The following INSL6 variants were observed in gnomAD, a reference collection of about 807,000 sequenced individuals.
INSL6 encodes insulin like 6.
INSL6 carries 16 observed loss-of-function variants against 9.4 expected under a neutral mutation model. The ratio of observed to expected loss-of-function variants is 1.70; its 90% CI spans 1.15 to 2.59. The LOEUF (loss-of-function observed/expected upper bound fraction) is 2.59. Among genes scored for constraint, INSL6 ranks in the 30% most tolerant of loss-of-function variants. The probability of loss-of-function intolerance (pLI) is 0.00; values close to 1 mark genes in which losing one functional copy is unlikely to be tolerated. For synonymous variants in INSL6, 154 were observed against 96.9 expected, an observed-to-expected ratio of 1.59 and a Z score of -3.46; for missense variants, 391 against 257.3, an observed-to-expected ratio of 1.52 and a Z score of -3.56.
chr9:5,140,791 T>C (rs1824481685), intron 2 of INSL6, among the ~76,000 whole-genome samples: 1 of 151,804 alleles, frequency 6.6e-6, no homozygotes, highest in African/African-American at 2.4e-5. Context: ...GCCATGGGGG[T>C]TTGCTGTACA....
chr9:5,091,615 T>TAATA, the INSL6 span: 1 of 152,122 alleles, frequency 6.6e-6, no homozygotes, highest in Admixed American at 6.5e-5. Flanking sequence ...ATTAGATAAT[T>TAATA]AATAGTAGAG....
chr9:5,122,911 T>G (rs561941487), downstream of INSL6: 21 of 405,148 alleles, frequency 5.2e-5, no homozygotes, highest in African/African-American at 3.5e-4. Flanking sequence ...TCTCTACATG[T>G]TTTTTTTTTT....
At chr9:5,150,845 AG>A (rs1824697190) in intron 2 of INSL6, among the ~76,000 whole-genome samples, 1 of 122,546 alleles carries the variant, frequency 8.2e-6, no homozygotes. Context: ...TGGATAAAGG[AG>A]ACACACACAC....
the INSL6 span, among the ~76,000 whole-genome samples, chr9:5,021,742 C>T: frequency 6.6e-6 from 1 of 152,272 alleles, no homozygotes; most frequent in Non-Finnish European, 1.5e-5. Context: ...TCTTCCGCTC[C>T]ACTCCCAGAG....
the INSL6 span, chr9:5,081,960 T>A: frequency 1.0e-6 from 1 of 986,454 alleles, no homozygotes; most frequent in Non-Finnish European, 1.5e-6. Context: ...TTTTAAGGAG[T>A]GCTTGTAGAA....
chr9:5,037,027 C>G, the INSL6 span, among the ~76,000 whole-genome samples: 1 of 152,092 alleles, frequency 6.6e-6, no homozygotes, highest in African/African-American at 2.4e-5. Flanking sequence ...AAAACAACAA[C>G]CCCATCAAAA....
chr9:5,069,966 G>T, the INSL6 span: 1 of 1,606,782 alleles, frequency 6.2e-7, no homozygotes, highest in South Asian at 1.1e-5. Context: ...TGGTGTTTCT[G>T]ATGTACCAAC....
At chr9:5,131,640 G>A (rs935891595) in intron 3 of INSL6, among the ~76,000 whole-genome samples, 1 of 151,788 alleles carries the variant, frequency 6.6e-6, no homozygotes, top group Non-Finnish European at 1.5e-5. Flanking sequence ...GGGTTTCACC[G>A]TGTTGGTCAG....
chr9:5,137,976 A>G (rs1824419053), intron 2 of INSL6, among the ~76,000 whole-genome samples: 1 of 152,180 alleles, frequency 6.6e-6, no homozygotes, highest in East Asian at 1.9e-4. Context: ...AAAACATATG[A>G]AACAAAGCTC....
the INSL6 span, among the ~76,000 whole-genome samples, chr9:5,104,515 A>C: frequency 6.6e-6 from 1 of 152,224 alleles, no homozygotes; most frequent in Admixed American, 6.5e-5. Context: ...TTCTGAAACT[A>C]TTCCAATCAA....
intron 1 of INSL6, among the ~76,000 whole-genome samples, chr9:5,172,685 T>C (rs1244096005): frequency 6.6e-6 from 1 of 152,064 alleles, no homozygotes; most frequent in Non-Finnish European, 1.5e-5. Context: ...TCCCAGCACT[T>C]TGGGAGGCCG....
intron 1 of INSL6, among the ~76,000 whole-genome samples, chr9:5,164,801 G>A (rs568927889): frequency 6.6e-6 from 1 of 152,322 alleles, no homozygotes; most frequent in East Asian, 1.9e-4. Context: ...CTACATTGTA[G>A]CATGTATCTT....
chr9:5,083,653 T>C, the INSL6 span, among the ~76,000 whole-genome samples: 1 of 152,158 alleles, frequency 6.6e-6, no homozygotes, highest in African/African-American at 2.4e-5. Context: ...AATTTTGTCA[T>C]ATATTGTCAA....
At chr9:5,012,014 A>G in the INSL6 span, among the ~76,000 whole-genome samples, 1 of 152,210 alleles carries the variant, frequency 6.6e-6, no homozygotes, top group Non-Finnish European at 1.5e-5. Context: ...TCAGATTTCT[A>G]GCTATTGCCT....
chr9:5,175,723 T>C (rs896517418), intron 1 of INSL6, among the ~76,000 whole-genome samples: 19 of 152,126 alleles, frequency 1.2e-4, no homozygotes, highest in African/African-American at 4.3e-4. Context: ...TGAACCCTAT[T>C]GTGAACTGCG....
chr9:5,065,264 A>C, the INSL6 span, among the ~76,000 whole-genome samples: 1 of 152,210 alleles, frequency 6.6e-6, no homozygotes, highest in Non-Finnish European at 1.5e-5. Context: ...TACAAGTTTA[A>C]CATTTGTTAA....
intron 1 of INSL6, among the ~76,000 whole-genome samples, chr9:5,176,932 G>GA (rs748083399): frequency 5.3e-5 from 8 of 151,314 alleles, no homozygotes; most frequent in Non-Finnish European, 1.0e-4. Flanking sequence ...AATAGCTAAA[G>GA]AAAAAAAAGT....
chr9:5,032,296 G>A, the INSL6 span, among the ~76,000 whole-genome samples: 17 of 152,290 alleles, frequency 1.1e-4, no homozygotes, highest in African/African-American at 3.4e-4. Flanking sequence ...GAGGCCTGCC[G>A]GCCTCTGTAG....
chr9:5,013,505 G>T, the INSL6 span, among the ~76,000 whole-genome samples: 1 of 152,170 alleles, frequency 6.6e-6, no homozygotes. Flanking sequence ...CATTTCTGTG[G>T]AAAAGTTGAG....
Sources: gnomAD v4.1 joint callset for allele counts (sites outside exome capture counted in the v4.1 genomes callset) on GRCh38, gnomAD v4.1.1 for gene constraint, MANE v1.5 for transcripts, NCBI Gene and HGNC (gene_info 2026-07-23, HGNC 2026-07-21) for gene names.